The following SCARA5 variants were observed in gnomAD, a reference collection of about 807,000 sequenced individuals.
SCARA5 encodes the protein scavenger receptor class A member 5.
Under a neutral mutation model 46.3 loss-of-function variants are expected in SCARA5, and 45 were observed. The ratio of observed to expected loss-of-function variants is 0.97; its 90% CI spans 0.76 to 1.24. The LOEUF (loss-of-function observed/expected upper bound fraction) is 1.24, where lower values mean the gene tolerates loss of function less well. Among genes scored for constraint, SCARA5 ranks in the 50% most tolerant of loss-of-function variants. SCARA5 has a pLI of 0.00. For synonymous variants in SCARA5, 333 were observed against 306.5 expected (o/e 1.09, Z -0.90); for missense variants, 680 against 689.0 (o/e 0.99, Z 0.15).
rs960475438 is a variant in SCARA5, at chr8:27,879,736, A to G, written c.1184T>C (p.Leu395Pro). Residue 395 changes from leucine to proline, a missense_variant, in exon 8 of 9, where the codon CTG (leucine) becomes CCG (proline). Coordinates refer to ENST00000354914, the MANE Select transcript of SCARA5 (RefSeq NM_173833.6). ...CTCGTGCGGACCTGAGCCATTCACC[A>G]GGCGGATCATCATCGGGGCCTCCAC... ...SGVEAPMMIRLVNGSGPHEGR... is the reference protein window; with the variant it reads ...SGVEAPMMIRPVNGSGPHEGR... The G allele has an allele frequency of 1.2e-6, 2 of 1,613,010 alleles. No homozygotes were observed. The highest frequency in any genetic ancestry group is 2.7e-5 in the African/African-American group (2 of 74,902).
intron 3 of SCARA5, among the ~76,000 whole-genome samples, chr8:27,950,250 T>C (rs1808103124): frequency 6.6e-6 from 1 of 152,128 alleles, no homozygotes. Flanking sequence ...AAACCACCTA[T>C]GTCTGCACTT....
At chr8:27,968,090 C>T (rs1808396418) in intron 2 of SCARA5, among the ~76,000 whole-genome samples, 2 of 152,168 alleles carry the variant, frequency 1.3e-5, no homozygotes, top group South Asian at 4.1e-4. Flanking sequence ...GGTTACATAT[C>T]GCCTCCCAGG....
chr8:27,911,071 C>G (rs772465556), intron 4 of SCARA5, among the ~76,000 whole-genome samples: 1 of 152,180 alleles, frequency 6.6e-6, no homozygotes, highest in Non-Finnish European at 1.5e-5. Flanking sequence ...CATTGTCGCA[C>G]CTGCTGTTCC....
chr8:27,885,847 T>C (rs534223210), intron 7 of SCARA5, among the ~76,000 whole-genome samples: 1 of 152,360 alleles, frequency 6.6e-6, no homozygotes, highest in East Asian at 1.9e-4. Flanking sequence ...GTCATTTGGA[T>C]GCTGAAATAC....
intron 2 of SCARA5, among the ~76,000 whole-genome samples, chr8:27,978,475 T>G (rs531739444): frequency 6.6e-6 from 1 of 152,138 alleles, no homozygotes; most frequent in Non-Finnish European, 1.5e-5. Context: ...TGTTCAAGTG[T>G]CCCACTTTAT....
intron 3 of SCARA5, among the ~76,000 whole-genome samples, chr8:27,963,436 C>G (rs1231405578): frequency 6.6e-6 from 1 of 152,138 alleles, no homozygotes; most frequent in African/African-American, 2.4e-5. Context: ...GATAGAAAAG[C>G]TTAGAGGTAT....
chr8:27,891,485 T>A (rs1416313474), intron 7 of SCARA5, among the ~76,000 whole-genome samples: 1 of 152,200 alleles, frequency 6.6e-6, no homozygotes, highest in Non-Finnish European at 1.5e-5. Context: ...ATTACAGGCG[T>A]GAGACACTGC....
rs184064443 is a variant in SCARA5, at chr8:27,946,740, G to A, written c.241+19674C>T. On this transcript the variant is annotated intron_variant, in intron 3 of 8. Transcript: ENST00000354914. The stretch of plus-strand genomic sequence containing the variant: ...ACCACCAAGTGTGCCCAGGGCCAGA[G>A]AGAATCTGACGAGGCCTCCTTTGCC... 1.1e-3 allele frequency among the ~76,000 whole-genome samples: 170 copies of A among 152,298 alleles called. 1 individual carries two copies. Among genetic ancestry groups the A allele is most frequent in the Non-Finnish European group, 1.9e-3 (132 of 68,032 alleles).
intron 4 of SCARA5, among the ~76,000 whole-genome samples, chr8:27,913,838 A>G (rs1331349052): frequency 6.6e-6 from 1 of 152,178 alleles, no homozygotes; most frequent in African/African-American, 2.4e-5. Flanking sequence ...GCAAACTTAC[A>G]GCTCGGTGCT....
chr8:27,909,342 C>T (rs1807327962), intron 5 of SCARA5, among the ~76,000 whole-genome samples: 1 of 152,152 alleles, frequency 6.6e-6, no homozygotes, highest in Non-Finnish European at 1.5e-5. Context: ...AAGGGTTGGT[C>T]TGGATCTCAA....
Position 27,922,059 on chromosome 8 carries a change from G to C in SCARA5, c.428C>G (p.Ala143Gly). The change falls in exon 4 of 9, where the codon GCG (alanine) becomes GGG (glycine). Residue 143 changes from alanine (A) to glycine (G), a missense_variant. By Grantham distance (60) the Ala-to-Gly change is moderately conservative. Transcript: ENST00000354914. ...QNQSDSLLAL[A>G]GAVQRLEGAL... ...GCCCTCCAGCCGCTGCACTGCGCCC[G>C]CCAGCGCCAGCAACGAGTCTGACTG... 6.3e-7 allele frequency: 1 copy of C among 1,588,000 alleles called. No individual in the cohort carries two copies. Among genetic ancestry groups the C allele is most frequent in the South Asian group, 1.1e-5 (1 of 88,122 alleles).
At chr8:27,944,881 T>C (rs980608226) in intron 3 of SCARA5, among the ~76,000 whole-genome samples, 1 of 151,728 alleles carries the variant, frequency 6.6e-6, no homozygotes, top group Admixed American at 6.6e-5. Context: ...AAAAAATAAT[T>C]GAGGTCAGGC....
chr8:27,913,345 C>T (rs1368117272), intron 4 of SCARA5, among the ~76,000 whole-genome samples: 1 of 152,190 alleles, frequency 6.6e-6, no homozygotes, highest in East Asian at 1.9e-4. Context: ...CTCGAGGGGC[C>T]GAGCTGCCAG....
chr8:27,919,136 A>AAGGAAGAAGGGGATGGGAAG (rs1375018043), intron 4 of SCARA5, among the ~76,000 whole-genome samples: 9 of 136,324 alleles, frequency 6.6e-5, no homozygotes, highest in East Asian at 2.5e-4. Context: ...AAAGGAGGAG[A>AAGGAAGAAGGGGATGGGAAG]AGGAAGAAGG....
chr8:27,971,889 C>T (rs1808452826), intron 2 of SCARA5, among the ~76,000 whole-genome samples: 2 of 152,156 alleles, frequency 1.3e-5, no homozygotes, highest in African/African-American at 4.8e-5. Flanking sequence ...CCTGCACAAT[C>T]TTGCCATAGC....
intron 7 of SCARA5, among the ~76,000 whole-genome samples, chr8:27,890,573 T>G (rs985922395): frequency 1.3e-5 from 2 of 150,572 alleles, no homozygotes; most frequent in Admixed American, 1.3e-4. Flanking sequence ...CAAGCATGAT[T>G]GGAATCCCCT....
chr8:27,988,939 G>C (rs1008986294), intron 1 of SCARA5, among the ~76,000 whole-genome samples: 1 of 152,040 alleles, frequency 6.6e-6, no homozygotes, highest in African/African-American at 2.4e-5. Context: ...GGTGGCAGTG[G>C]GGGGACAATG....
chr8:27,972,320 AAAAC>A (rs1808459722), intron 2 of SCARA5, among the ~76,000 whole-genome samples: 3 of 103,130 alleles, frequency 2.9e-5, no homozygotes, highest in Non-Finnish European at 6.3e-5. Flanking sequence ...CTGTCTCAAA[AAAAC>A]AAAACAAAAC....
chr8:27,889,139 T>G (rs1039441906), intron 7 of SCARA5, among the ~76,000 whole-genome samples: 6 of 152,134 alleles, frequency 3.9e-5, no homozygotes, highest in African/African-American at 1.4e-4. Context: ...AGCTTGAGCT[T>G]GTTCCCCAGT....
Sources: gnomAD v4.1 joint callset for allele counts (sites outside exome capture counted in the v4.1 genomes callset) on GRCh38, gnomAD v4.1.1 for gene constraint, MANE v1.5 for transcripts, NCBI Gene and HGNC (gene_info 2026-07-23, HGNC 2026-07-21) for gene names.